The following ITGA10 variants were observed in gnomAD, a reference collection of about 807,000 sequenced individuals.
ITGA10 encodes integrin subunit alpha 10.
In ITGA10, 105 loss-of-function variants were observed where a neutral mutation model predicts 145.2. The observed-to-expected ratio is 0.72, with a 90% CI of 0.62 to 0.85. The LOEUF is 0.85. ITGA10 is among the 40% of genes least tolerant of loss of function. The probability of loss-of-function intolerance (pLI) is 0.00; values close to 1 mark genes in which losing one functional copy is unlikely to be tolerated. For missense variants in ITGA10, 1,317 were observed against 1,444.5 expected (o/e 0.91, Z 1.43); for synonymous variants, 506 against 557.8 (o/e 0.91, Z 1.31).
chr1:145,900,022 T>C (rs1277644714), intron 15 of ITGA10, 35 bp downstream of exon 15: 1 of 1,598,072 alleles, frequency 6.3e-7, no homozygotes, highest in Admixed American at 1.8e-5. Flanking sequence ...AGCTATGCTA[T>C]GCTGTCCACC....
intron 4 of ITGA10, 105 bp from the exon 5 acceptor site, chr1:145,906,613 T>C: frequency 7.8e-7 from 1 of 1,285,146 alleles, no homozygotes; most frequent in South Asian, 1.2e-5. Flanking sequence ...TACCTACCTT[T>C]TGCTTTCTAG....
Position 145,900,802 on chromosome 1 carries a change from G to C in ITGA10, c.1779C>G (p.Pro593=), listed in dbSNP as rs368917839. Residue 593 remains proline (P), a synonymous_variant, in exon 14 of 30, where the codon CCC becomes CCG. Transcript: ENST00000369304. The stretch of plus-strand genomic sequence containing the variant: ...GGGTACTCCTGACCTGGGCAGGATG[G>C]GGCCTGACTCCACTCTGGGTTCCAT... The part of the protein sequence containing the change: ...LYHGTQSGVR[P]HPAQRIAAAS... The C allele has an allele frequency of 1.2e-6, 2 of 1,614,088 alleles. No homozygotes were observed. Among genetic ancestry groups the C allele is most frequent in the African/African-American group, 1.3e-5 (1 of 74,986 alleles).
At chr1:145,897,933 G>A (rs782714144) in intron 18 of ITGA10, 33 bp from the exon 19 acceptor site, 1 of 1,559,018 alleles carries the variant, frequency 6.4e-7, no homozygotes, top group Non-Finnish European at 8.9e-7. Flanking sequence ...AGGGTTGAGA[G>A]GAAAGCAAGG....
intron 9 of ITGA10, 36 bp from the exon 10 acceptor site, chr1:145,902,355 G>C: frequency 6.2e-7 from 1 of 1,611,418 alleles, no homozygotes; most frequent in Non-Finnish European, 8.5e-7. Context: ...AATATCAGGG[G>C]AAGACAGTTT....
At chr1:145,898,806 C>T (rs1655812242) in intron 17 of ITGA10, 130 bp downstream of exon 17, 8 of 1,141,672 alleles carry the variant, frequency 7.0e-6, no homozygotes, top group Non-Finnish European at 9.8e-6. Context: ...TCAGCCCTGA[C>T]TCCAAAGTCT....
chr1:145,899,379 G>A, intron 15 of ITGA10, 38 bp from the exon 16 acceptor site: 1 of 1,600,082 alleles, frequency 6.2e-7, no homozygotes. Context: ...AGCAGTAGGA[G>A]GTAAGCCCTC....
chr1:145,897,960 AG>A, intron 18 of ITGA10, 60 bp from the exon 19 acceptor site: 2 of 1,462,784 alleles, frequency 1.4e-6, no homozygotes, highest in Non-Finnish European at 1.9e-6. Flanking sequence ...GGAATAGAAT[AG>A]GGGGAAAGTG....
In ITGA10 at chr1:145,900,045, G is replaced by A; in HGVS notation, c.1922+12C>T. 6.2e-7 allele frequency: 1 copy of A among 1,610,270 alleles called. No individual in the cohort carries two copies. Among genetic ancestry groups the A allele is most frequent in the Non-Finnish European group, 8.5e-7 (1 of 1,178,556 alleles). The stretch of plus-strand genomic sequence containing the variant: ...TATGCTGTCCACCACCACCTGAGCT[G>A]GGACCCCTCACCTGAGCAGGATGGC... On this transcript the variant is annotated intron_variant, in intron 15 of 29. Transcript: ENST00000369304.
rs1656329608 is a variant in ITGA10 at position 145,901,614 on chromosome 1, A to T, written c.1345T>A (p.Ser449Thr). 9 of 1,601,596 alleles carry T rather than the reference A, an allele frequency of 5.6e-6. No homozygotes were observed. Among genetic ancestry groups the T allele is most frequent in the Non-Finnish European group, 7.7e-6 (9 of 1,175,194 alleles). ...LLRGGRRLFL[S>T]GAPRFRHRGK... is the part of the protein sequence containing the mutation. ...CGATGTCTAAATCGAGGAGCCCCAGAGAGAAACAGGCGGCGTCCACCCCGC... is the reference window on the plus strand; with the variant it reads ...CGATGTCTAAATCGAGGAGCCCCAGTGAGAAACAGGCGGCGTCCACCCCGC... The change falls in exon 12 of 30, where the codon TCT (serine) becomes ACT (threonine). Residue 449 changes from serine (S) to threonine (T), a missense_variant. By Grantham distance (58) the Ser-to-Thr change is moderately conservative. Coordinates refer to ENST00000369304, the MANE Select transcript of ITGA10 (RefSeq NM_003637.5). The surrounding 1 kb of genome is among the most constrained non-coding windows in gnomAD (Gnocchi z 4.3).
Position 145,893,160 on chromosome 1 carries a change from C to T in ITGA10, c.3438+1G>A. 1.9e-6 allele frequency: 3 copies of T among 1,603,052 alleles called. No homozygotes were observed. The highest frequency in any genetic ancestry group is 8.5e-7 in the Non-Finnish European group (1 of 1,170,004). ...ACACTCCCCACTAAAGCAGTGCTTA[C>T]CTTCCACAGGCAGAAGACAAGGAGA... On this transcript the variant is annotated splice_donor_variant, in intron 29 of 29. Coordinates refer to ENST00000369304, the MANE Select transcript of ITGA10 (RefSeq NM_003637.5). LOFTEE classifies it high-confidence loss of function.
At chr1:145,896,142 C>G in intron 24 of ITGA10, 46 bp from the exon 25 acceptor site, 1 of 1,545,494 alleles carries the variant, frequency 6.5e-7, no homozygotes, top group Admixed American at 1.7e-5. Context: ...ACAGAAGACC[C>G]TTCCTCATTT....
At chr1:145,898,815 C>G (rs1216822673) in intron 17 of ITGA10, 121 bp downstream of exon 17, 20 of 1,231,316 alleles carry the variant, frequency 1.6e-5, no homozygotes, top group Non-Finnish European at 2.2e-5. Context: ...ACTCCAAAGT[C>G]TGAATCATCT....
At chr1:145,902,654 G>C in intron 8 of ITGA10, 35 bp from the exon 9 acceptor site, 1 of 1,571,552 alleles carries the variant, frequency 6.4e-7, no homozygotes, top group Non-Finnish European at 8.6e-7. Flanking sequence ...TGAGGCATTA[G>C]AGTTGGTACA....
chr1:145,904,932 T>C, intron 5 of ITGA10, 121 bp from the exon 6 acceptor site: 1 of 1,004,756 alleles, frequency 1.0e-6, no homozygotes. Context: ...GCAAAGAAGG[T>C]ACTGTGCCAG....
At chr1:145,897,987 G>A (rs1405269460) in intron 18 of ITGA10, 87 bp from the exon 19 acceptor site, 1 of 1,335,064 alleles carries the variant, frequency 7.5e-7, no homozygotes, top group African/African-American at 1.4e-5. Flanking sequence ...ACAAAAGTGG[G>A]TATATTTTGA....
chr1:145,893,445 G>A, intron 28 of ITGA10, 95 bp downstream of exon 28: 1 of 1,022,482 alleles, frequency 9.8e-7, no homozygotes, highest in Non-Finnish European at 1.5e-6. Flanking sequence ...GCTGCCTGAT[G>A]GAGATGCCTT....
Position 145,904,756 on chromosome 1 carries a change from G to T in ITGA10, c.537C>A (p.Tyr179Ter). Residue 179 changes from tyrosine to a stop codon, truncating the protein, a stop_gained, in exon 6 of 30, where the codon TAC becomes TAA. Coordinates refer to ENST00000369304, the MANE Select transcript of ITGA10 (RefSeq NM_003637.5). LOFTEE classifies it high-confidence loss of function. ...VIVLDGSNSI[Y>*]PWSEVQTFLR... ...GGAAGGTCTGAACTTCAGACCAGGG[G>T]TAGATGCTGTTGGAGCCATCCAAGA... is the stretch of plus-strand genomic sequence containing the variant. The T allele has an allele frequency of 6.2e-7, 1 of 1,613,908 alleles. No individual in the cohort carries two copies. The highest frequency in any genetic ancestry group is 8.5e-7 in the Non-Finnish European group (1 of 1,179,824).
rs782023164 is a variant in ITGA10, at chr1:145,900,775, T to C, written c.1791+15A>G. The C allele has an allele frequency of 6.2e-7, 1 of 1,613,158 alleles. No individual in the cohort carries two copies. On this transcript the variant is annotated intron_variant, in intron 14 of 29. Coordinates refer to ENST00000369304, the MANE Select transcript of ITGA10 (RefSeq NM_003637.5). ...TCCTACAACCGTGCCCCTGCTTTAT[T>C]TGGGTACTCCTGACCTGGGCAGGAT...
chr1:145,900,441 G>A lies in ITGA10; in HGVS notation c.1792-254C>T, dbSNP rs587630714. The stretch of plus-strand genomic sequence containing the variant: ...CGCCACCAGGCCCGGCTAATTTTTT[G>A]TATTTTTAGTAGAGTTTCATCATGT... On this transcript the variant is annotated intron_variant, in intron 14 of 29. Coordinates refer to ENST00000369304, the MANE Select transcript of ITGA10 (RefSeq NM_003637.5). 1.1e-4 allele frequency among the ~76,000 whole-genome samples: 16 copies of A among 152,074 alleles called. No individual in the cohort carries two copies. The South Asian group carries it at 2.9e-3, about 28-fold the overall frequency.
Sources: allele counts gnomAD v4.1 joint callset (sites outside exome capture counted in the v4.1 genomes callset), GRCh38; gene constraint gnomAD v4.1.1; non-coding constraint Gnocchi (gnomAD v3.1); transcripts MANE v1.5; gene names NCBI Gene and HGNC (gene_info 2026-07-23, HGNC 2026-07-21).